The following TEC variants were observed in gnomAD, a reference collection of about 807,000 sequenced individuals.
The protein encoded by TEC is tec protein tyrosine kinase, also known as tyrosine-protein kinase Tec.
TEC carries 72 observed loss-of-function variants against 93.0 expected under a neutral mutation model. That is an observed-to-expected ratio of 0.77 (90% CI 0.64 to 0.94). The LOEUF (loss-of-function observed/expected upper bound fraction) is 0.94. TEC is among the 40% of genes least tolerant of loss of function. The pLI, the probability that TEC is intolerant of heterozygous loss-of-function variation, is 0.00. For missense variants in TEC, 630 were observed against 757.9 expected (o/e 0.83, Z 1.98); for synonymous variants, 249 against 247.7 (o/e 1.01, Z -0.05).
At chr4:48,221,345 G>A (rs1393075552) in intron 2 of TEC, among the ~76,000 whole-genome samples, 1 of 152,150 alleles carries the variant, frequency 6.6e-6, no homozygotes, top group East Asian at 1.9e-4. Flanking sequence ...CTGATAGTGG[G>A]TGAGTTCTCA....
intron 2 of TEC, among the ~76,000 whole-genome samples, chr4:48,191,589 G>C (rs1722093687): frequency 1.3e-5 from 2 of 152,098 alleles, no homozygotes. Context: ...GATAATAGCA[G>C]AACCATTCTT....
chr4:48,159,554 ATT>A (rs1167143169), intron 8 of TEC, among the ~76,000 whole-genome samples: 18 of 129,886 alleles, frequency 1.4e-4, no homozygotes, highest in Admixed American at 1.5e-4. Flanking sequence ...CACCACGCTA[ATT>A]TTTTTTTTTT....
intron 1 of TEC, among the ~76,000 whole-genome samples, chr4:48,266,837 T>G (rs996839584): frequency 1.9e-4 from 12 of 64,246 alleles, no homozygotes; most frequent in African/African-American, 4.6e-4. Context: ...AAACTCTGTC[T>G]CAAAAAAAAA....
chr4:48,144,460 T>A (rs1195008681), intron 14 of TEC, among the ~76,000 whole-genome samples: 1 of 151,770 alleles, frequency 6.6e-6, no homozygotes, highest in African/African-American at 2.4e-5. Flanking sequence ...AAAGAACAGG[T>A]AGAGAAGAAA....
intron 2 of TEC, among the ~76,000 whole-genome samples, chr4:48,185,193 T>G (rs115470017): frequency 6.6e-6 from 1 of 152,188 alleles, no homozygotes; most frequent in Non-Finnish European, 1.5e-5. Context: ...AGTCAACTGT[T>G]TAACAGAAAA....
intron 2 of TEC, among the ~76,000 whole-genome samples, chr4:48,186,364 G>T (rs1292794593): frequency 1.3e-5 from 2 of 151,846 alleles, no homozygotes; most frequent in Non-Finnish European, 2.9e-5. Context: ...CCCAGTCTGG[G>T]AAGTGAGGAG....
At chr4:48,199,269 C>A (rs1459584264) in intron 2 of TEC, among the ~76,000 whole-genome samples, 5 of 152,074 alleles carry the variant, frequency 3.3e-5, no homozygotes, top group African/African-American at 1.2e-4. Context: ...CTAACCCCAA[C>A]TTCTCACTTG....
At chr4:48,208,636 T>C (rs1912163) in intron 2 of TEC, among the ~76,000 whole-genome samples, 20 of 151,908 alleles carry the variant, frequency 1.3e-4, no homozygotes, top group African/African-American at 4.6e-4. Flanking sequence ...TCTTCCTAAG[T>C]TCTCTATTCC....
At chr4:48,163,987 AT>A (rs1394950259) in intron 7 of TEC, among the ~76,000 whole-genome samples, 24 of 152,332 alleles carry the variant, frequency 1.6e-4, no homozygotes, top group African/African-American at 5.8e-4. Context: ...GGCAGGCATT[AT>A]TGTACCTATT....
At chr4:48,170,647 T>G (rs1721062683) in intron 4 of TEC, among the ~76,000 whole-genome samples, 1 of 152,214 alleles carries the variant, frequency 6.6e-6, no homozygotes, top group Non-Finnish European at 1.5e-5. Context: ...ATTTTGTTCT[T>G]CAGGAGAAGC....
intron 3 of TEC, 118 bp from the exon 4 acceptor site, chr4:48,171,567 A>G (rs1002646702): frequency 1.1e-5 from 7 of 659,276 alleles, no homozygotes; most frequent in Admixed American, 3.5e-5. Context: ...CTGAAAGTCA[A>G]TAACTTCATA....
intron 11 of TEC, 41 bp from the exon 12 acceptor site, chr4:48,146,440 A>G: frequency 6.4e-7 from 1 of 1,573,236 alleles, no homozygotes; most frequent in South Asian, 1.1e-5. Flanking sequence ...CTCATTCATA[A>G]TCATTCTGCT....
At chr4:48,237,694 A>G (rs1404952474) in intron 1 of TEC, among the ~76,000 whole-genome samples, 1 of 152,202 alleles carries the variant, frequency 6.6e-6, no homozygotes. Flanking sequence ...AATTAGCAAT[A>G]TTATATAATT....
At chr4:48,161,840 T>C (rs1228389145) in intron 8 of TEC, among the ~76,000 whole-genome samples, 1 of 152,036 alleles carries the variant, frequency 6.6e-6, no homozygotes, top group Admixed American at 6.5e-5. Flanking sequence ...GCAGAAGAAC[T>C]TGGAAAGACT....
chr4:48,183,171 G>A (rs577057023), intron 2 of TEC, among the ~76,000 whole-genome samples: 69 of 152,262 alleles, frequency 4.5e-4, no homozygotes, highest in African/African-American at 1.4e-3. Context: ...CCACTTATAA[G>A]CCATACGACC....
At chr4:48,212,110 A>AAAAAATATATATAT in intron 2 of TEC, among the ~76,000 whole-genome samples, 11 of 122,248 alleles carry the variant, frequency 9.0e-5, no homozygotes, top group Admixed American at 7.9e-4. Context: ...AAAAAAAAAA[A>AAAAAATATATATAT]ATATATATAT....
chr4:48,238,680 T>TTA (rs1053038825), intron 1 of TEC, among the ~76,000 whole-genome samples: 2 of 149,760 alleles, frequency 1.3e-5, no homozygotes, highest in Non-Finnish European at 3.0e-5. Context: ...TTATGTAAAT[T>TTA]TATATATATG....
intron 7 of TEC, 60 bp from the exon 8 acceptor site, chr4:48,163,827 G>GAAAT: frequency 1.1e-6 from 1 of 925,940 alleles, no homozygotes; most frequent in Non-Finnish European, 1.6e-6. Context: ...TTGAAAGAAA[G>GAAAT]AAAGATTATT....
At chr4:48,145,911 T>C (rs1188063333) in intron 12 of TEC, among the ~76,000 whole-genome samples, 1 of 152,206 alleles carries the variant, frequency 6.6e-6, no homozygotes, top group East Asian at 1.9e-4. Flanking sequence ...TTTTTTGTTG[T>C]TGTTCTTTTT....
Sources: allele counts gnomAD v4.1 joint callset (sites outside exome capture counted in the v4.1 genomes callset), GRCh38; gene constraint gnomAD v4.1.1; transcripts MANE v1.5; gene names NCBI Gene and HGNC (gene_info 2026-07-23, HGNC 2026-07-21).